RBFOX1: variants seen among roughly 807,000 people sequenced by gnomAD.
The protein encoded by RBFOX1 is RNA binding protein fox-1 homolog 1.
In RBFOX1, 8 loss-of-function variants were observed where a neutral mutation model predicts 57.7. That is an observed-to-expected ratio of 0.14 (90% CI 0.08 to 0.25). RBFOX1 has a LOEUF of 0.25. Among genes scored for constraint, RBFOX1 ranks in the 10% least tolerant of loss-of-function variants. The pLI is 1.00. For synonymous variants in RBFOX1, 326 were observed against 222.4 expected (o/e 1.47, Z -4.15); for missense variants, 611 against 548.5 (o/e 1.11, Z -1.14).
At chr16:5,704,423 G>A (rs992220124) in intron 3 of RBFOX1, among the ~76,000 whole-genome samples, 13 of 152,264 alleles carry the variant, frequency 8.5e-5, no homozygotes, top group East Asian at 5.8e-4. Flanking sequence ...GTGGTGGGGT[G>A]TGATTTATTA....
At chr16:5,455,908 A>G (rs1021942126) in intron 1 of RBFOX1, among the ~76,000 whole-genome samples, 7 of 152,310 alleles carry the variant, frequency 4.6e-5, no homozygotes, top group African/African-American at 1.7e-4. Context: ...TGGGGTGGCA[A>G]TTCAGAGCAT....
chr16:6,763,998 G>A (rs569924694), intron 3 of RBFOX1, among the ~76,000 whole-genome samples: 1 of 152,334 alleles, frequency 6.6e-6, no homozygotes, highest in East Asian at 1.9e-4. Context: ...ATCAGGGAAT[G>A]AGGTAGCAGG....
At chr16:6,093,799 T>G (rs1386382126) in intron 1 of RBFOX1, among the ~76,000 whole-genome samples, 7 of 151,694 alleles carry the variant, frequency 4.6e-5, no homozygotes, top group African/African-American at 1.7e-4. Context: ...TTTTTTTTTT[T>G]GTAAAGATGG....
At chr16:5,823,892 A>G (rs1166170144) in intron 3 of RBFOX1, among the ~76,000 whole-genome samples, 1 of 152,204 alleles carries the variant, frequency 6.6e-6, no homozygotes, top group Non-Finnish European at 1.5e-5. Flanking sequence ...ATATAAATGA[A>G]GGGCACAATA....
chr16:7,527,390 T>G (rs370756809), intron 5 of RBFOX1, among the ~76,000 whole-genome samples: 1 of 152,170 alleles, frequency 6.6e-6, no homozygotes. Context: ...AAATGAATGA[T>G]TTATCCCAAC....
In RBFOX1 at chr16:6,438,619, G is replaced by A. The variant is rs531297692; in HGVS notation, c.-64+121562G>A. The stretch of plus-strand genomic sequence containing the variant: ...CGAATTACTTACAGTTCTTCCTCTA[G>A]CTATAACTTATTTGAACCCTCTGAG... On this transcript the variant is annotated intron_variant, in intron 2 of 15. Coordinates refer to ENST00000550418, the MANE Select transcript of RBFOX1 (RefSeq NM_018723.4). Among the ~76,000 whole-genome samples the A allele has an allele frequency of 3.4e-4, 52 of 152,256 alleles. 1 individual carries two copies. Among genetic ancestry groups the A allele is most frequent in the African/African-American group, 1.2e-3 (48 of 41,546 alleles).
chr16:5,864,303 T>A (rs1034627184), intron 3 of RBFOX1, among the ~76,000 whole-genome samples: 5 of 152,236 alleles, frequency 3.3e-5, no homozygotes, highest in African/African-American at 1.2e-4. Flanking sequence ...CTTTATTTTT[T>A]ATCCTGGTTT....
At chr16:5,589,819 A>T (rs983872896) in intron 2 of RBFOX1, among the ~76,000 whole-genome samples, 1 of 152,034 alleles carries the variant, frequency 6.6e-6, no homozygotes, top group African/African-American at 2.4e-5. Flanking sequence ...CCCCAACTCT[A>T]CGTGACCCCC....
At chr16:5,851,484 C>G (rs2056896196) in intron 3 of RBFOX1, among the ~76,000 whole-genome samples, 2 of 152,170 alleles carry the variant, frequency 1.3e-5, no homozygotes, top group South Asian at 2.1e-4. Context: ...CTAAGATTTA[C>G]CAGCCCTGCC....
chr16:6,230,131 C>T (rs548839767), intron 1 of RBFOX1, among the ~76,000 whole-genome samples: 2 of 152,122 alleles, frequency 1.3e-5, no homozygotes, highest in African/African-American at 4.8e-5. Flanking sequence ...GACTTTATCG[C>T]AGAGAGCAAA....
intron 3 of RBFOX1, among the ~76,000 whole-genome samples, chr16:6,838,935 G>T (rs762621689): frequency 6.6e-6 from 1 of 150,756 alleles, no homozygotes; most frequent in East Asian, 1.9e-4. Context: ...ACTGGTTTTT[G>T]ATTTTTTTTT....
intron 1 of RBFOX1, among the ~76,000 whole-genome samples, chr16:5,356,577 C>T (rs2065395458): frequency 6.6e-6 from 1 of 151,966 alleles, no homozygotes; most frequent in African/African-American, 2.4e-5. Context: ...CTGTTGTGTC[C>T]CTAGCTTCTG....
chr16:6,488,834 A>G (rs1209714764), intron 2 of RBFOX1, among the ~76,000 whole-genome samples: 3 of 152,188 alleles, frequency 2.0e-5, no homozygotes, highest in African/African-American at 7.2e-5. Flanking sequence ...CCTGGCCCCA[A>G]ACCAACAGTG....
intron 5 of RBFOX1, among the ~76,000 whole-genome samples, chr16:7,559,710 G>C (rs1246861348): frequency 6.6e-6 from 1 of 152,220 alleles, no homozygotes; most frequent in Non-Finnish European, 1.5e-5. Context: ...CACAGTGCCA[G>C]AAGCCAGAGT....
chr16:6,320,158 G>T (rs901396789), intron 2 of RBFOX1, among the ~76,000 whole-genome samples: 1 of 152,146 alleles, frequency 6.6e-6, no homozygotes, highest in Non-Finnish European at 1.5e-5. Flanking sequence ...TAAAAAGATG[G>T]TGTATTAGCT....
chr16:6,220,455 T>C (rs929459861), intron 1 of RBFOX1, among the ~76,000 whole-genome samples: 1 of 152,222 alleles, frequency 6.6e-6, no homozygotes, highest in African/African-American at 2.4e-5. Context: ...TGGTAATAGC[T>C]TTCATTTCTC....
chr16:5,769,106 A>G (rs951145709), intron 3 of RBFOX1, among the ~76,000 whole-genome samples: 10 of 152,326 alleles, frequency 6.6e-5, no homozygotes, highest in African/African-American at 2.4e-4. Flanking sequence ...AAATATTGAT[A>G]TATAGGATAT....
chr16:5,304,446 C>T (rs181535798), intron 1 of RBFOX1, among the ~76,000 whole-genome samples: 1 of 152,190 alleles, frequency 6.6e-6, no homozygotes, highest in African/African-American at 2.4e-5. Context: ...CAACTGCGTT[C>T]TTCTGACCTG....
intron 3 of RBFOX1, among the ~76,000 whole-genome samples, chr16:5,801,682 T>G (rs1467832733): frequency 1.3e-5 from 2 of 152,190 alleles, no homozygotes; most frequent in Non-Finnish European, 2.9e-5. Flanking sequence ...GAGCAAGATG[T>G]AATGGCAGGC....
Sources: gnomAD v4.1 joint callset for allele counts (sites outside exome capture counted in the v4.1 genomes callset) on GRCh38, gnomAD v4.1.1 for gene constraint, MANE v1.5 for transcripts, NCBI Gene and HGNC (gene_info 2026-07-23, HGNC 2026-07-21) for gene names.